GDPD5: variants seen among roughly 807,000 people sequenced by gnomAD.
GDPD5 encodes glycerophosphodiester phosphodiesterase 2.
A neutral mutation model predicts 75.1 loss-of-function variants in GDPD5; 48 were observed. The ratio of observed to expected loss-of-function variants is 0.64; its 90% confidence interval spans 0.51 to 0.81. The LOEUF (loss-of-function observed/expected upper bound fraction) is 0.81, where lower values mean the gene tolerates loss of function less well. Among genes scored for constraint, GDPD5 ranks in the 40% least tolerant of loss-of-function variants. GDPD5 has a pLI of 0.00. For synonymous variants in GDPD5, 336 were observed against 339.0 expected, an observed-to-expected ratio of 0.99 and a Z score of 0.10; for missense variants, 706 against 822.6, an observed-to-expected ratio of 0.86 and a Z score of 1.73.
intron 1 of GDPD5, among the ~76,000 whole-genome samples, chr11:75,491,001 A>T (rs1239398388): frequency 1.3e-5 from 2 of 152,208 alleles, no homozygotes; most frequent in East Asian, 1.9e-4. Flanking sequence ...TACTAGGGAC[A>T]CTGAGGCTGC....
intron 3 of GDPD5, among the ~76,000 whole-genome samples, chr11:75,465,713 G>A (rs1425240350): frequency 6.6e-6 from 1 of 152,224 alleles, no homozygotes; most frequent in Non-Finnish European, 1.5e-5. Context: ...TTAGATGGCT[G>A]TCTGTCCACA....
At chr11:75,449,189 C>G in intron 8 of GDPD5, 67 bp from the exon 9 acceptor site, 1 of 1,512,226 alleles carries the variant, frequency 6.6e-7, no homozygotes, top group African/African-American at 1.4e-5. Flanking sequence ...ATGCTGGACC[C>G]CTCTACCCCC....
At chr11:75,491,153 C>A (rs147092981) in intron 1 of GDPD5, among the ~76,000 whole-genome samples, 102 of 152,300 alleles carry the variant, frequency 6.7e-4, no homozygotes, top group African/African-American at 2.3e-3. Context: ...CAAACACACA[C>A]CTCTGTGTGT....
intron 1 of GDPD5, among the ~76,000 whole-genome samples, chr11:75,512,281 G>GACACACAAACACAC (rs1950538411): frequency 8.1e-6 from 1 of 123,100 alleles, no homozygotes; most frequent in Admixed American, 8.4e-5. Context: ...AATTGGGAAG[G>GACACACAAACACAC]ACACACACAC....
chr11:75,516,821 C>T (rs1360969770), intron 1 of GDPD5, among the ~76,000 whole-genome samples: 2 of 152,216 alleles, frequency 1.3e-5, no homozygotes, highest in Non-Finnish European at 2.9e-5. Flanking sequence ...AATGATTCTT[C>T]CAGGGTCATC....
chr11:75,457,096 AC>A (rs769330958), intron 5 of GDPD5, among the ~76,000 whole-genome samples: 5 of 152,176 alleles, frequency 3.3e-5, no homozygotes, highest in East Asian at 3.9e-4. Flanking sequence ...GGACTACTCA[AC>A]TTCATTCATC....
chr11:75,484,718 T>A (rs1482957209), intron 2 of GDPD5, among the ~76,000 whole-genome samples: 1 of 152,048 alleles, frequency 6.6e-6, no homozygotes, highest in East Asian at 1.9e-4. Context: ...GACCTCCATC[T>A]CTAAAAAAAT....
intron 9 of GDPD5, among the ~76,000 whole-genome samples, chr11:75,445,472 T>C (rs943563439): frequency 2.0e-5 from 3 of 152,186 alleles, no homozygotes; most frequent in African/African-American, 7.2e-5. Flanking sequence ...TTGGGTCTCA[T>C]CTGAGGACTG....
chr11:75,466,201 G>A (rs1223809669), intron 3 of GDPD5, among the ~76,000 whole-genome samples: 3 of 152,188 alleles, frequency 2.0e-5, no homozygotes, highest in Admixed American at 2.0e-4. Context: ...GCATGAGCTG[G>A]GGTTGGGGCA....
intron 1 of GDPD5, among the ~76,000 whole-genome samples, chr11:75,516,822 C>T (rs549196783): frequency 4.7e-4 from 72 of 152,300 alleles, no homozygotes; most frequent in Non-Finnish European, 9.1e-4. Flanking sequence ...ATGATTCTTC[C>T]AGGGTCATCC....
chr11:75,482,309 G>A (rs1028899071), intron 2 of GDPD5, among the ~76,000 whole-genome samples: 1 of 152,114 alleles, frequency 6.6e-6, no homozygotes, highest in Non-Finnish European at 1.5e-5. Context: ...TTCTCTGGGA[G>A]GCAAACCTCT....
At chr11:75,499,079 C>T (rs918962398) in intron 1 of GDPD5, among the ~76,000 whole-genome samples, 7 of 152,172 alleles carry the variant, frequency 4.6e-5, no homozygotes, top group Admixed American at 1.3e-4. Context: ...CACTGTCACA[C>T]GAATCCTTGT....
At chr11:75,513,945 G>A (rs1401714434) in intron 1 of GDPD5, among the ~76,000 whole-genome samples, 1 of 152,218 alleles carries the variant, frequency 6.6e-6, no homozygotes, top group African/African-American at 2.4e-5. Context: ...CCCACCGACA[G>A]GCTGTGGGAC....
chr11:75,441,629 C>G lies in GDPD5; in HGVS notation c.1325+17G>C. ...AGTCCCACCCTCTCCTGGAGGAGCC[C>G]AGGGCAGGGCAGGCACCTGAGCTCC... On this transcript the variant is annotated intron_variant, in intron 13 of 16. Coordinates refer to ENST00000336898, the MANE Select transcript of GDPD5 (RefSeq NM_030792.8). 1 of 1,548,344 alleles carries G rather than the reference C, an allele frequency of 6.5e-7. No individual in the cohort carries two copies. The highest frequency in any genetic ancestry group is 1.9e-5 in the Admixed American group (1 of 53,038).
chr11:75,482,562 A>T (rs950340213), intron 2 of GDPD5, among the ~76,000 whole-genome samples: 1 of 152,008 alleles, frequency 6.6e-6, no homozygotes. Context: ...TCAAGGCCTC[A>T]TCTCCCCTGG....
At chr11:75,464,356 G>A (rs1565196374) in intron 3 of GDPD5, among the ~76,000 whole-genome samples, 1 of 152,216 alleles carries the variant, frequency 6.6e-6, no homozygotes. Context: ...TACAAGTCAG[G>A]TGGCTTGGTG....
chr11:75,513,437 G>A (rs1950572379), intron 1 of GDPD5, among the ~76,000 whole-genome samples: 1 of 152,076 alleles, frequency 6.6e-6, no homozygotes, highest in African/African-American at 2.4e-5. Context: ...GGGAGTCAGG[G>A]TGTAAGCTCC....
At chr11:75,496,145 T>C (rs948286733) in intron 1 of GDPD5, among the ~76,000 whole-genome samples, 4 of 152,096 alleles carry the variant, frequency 2.6e-5, no homozygotes, top group Non-Finnish European at 4.4e-5. Flanking sequence ...TGTTACACTA[T>C]CCCCCTGGAA....
In GDPD5 at chr11:75,443,114, T is replaced by C. The variant is rs148907682; in HGVS notation, c.948+22A>G. The stretch of plus-strand genomic sequence containing the variant: ...CTGCTGGTGTTTTCCATGCCTAAGA[T>C]TGGGATCAGGTGCAGCCAGACCTTC... On this transcript the variant is annotated intron_variant, in intron 11 of 16. Transcript: ENST00000336898. 8.2e-6 allele frequency: 13 copies of C among 1,590,048 alleles called. No homozygotes were observed. In the East Asian group the frequency reaches 1.1e-4, roughly 14 times the overall value.
Sources: allele counts gnomAD v4.1 joint callset (sites outside exome capture counted in the v4.1 genomes callset), GRCh38; gene constraint gnomAD v4.1.1; transcripts MANE v1.5; gene names NCBI Gene and HGNC (gene_info 2026-07-23, HGNC 2026-07-21).